Variants in PLEK2 observed in about 807,000 individuals in gnomAD.
PLEK2 encodes pleckstrin 2.
In PLEK2, 29 loss-of-function variants were observed where a neutral mutation model predicts 43.8. That is an observed-to-expected ratio of 0.66 (90% CI 0.49 to 0.90). The LOEUF is 0.90. Ranked by LOEUF, PLEK2 falls within the 40% of genes least tolerant of loss-of-function variation. PLEK2 has a pLI of 0.00. For synonymous variants in PLEK2, 162 were observed against 173.2 expected (o/e 0.94, Z 0.51); for missense variants, 398 against 448.1 (o/e 0.89, Z 1.01).
Position 67,392,801 on chromosome 14 carries a change from C to A in PLEK2, c.530G>T (p.Arg177Leu), listed in dbSNP as rs761790304. The change falls in exon 5 of 9, where the codon CGT becomes CTT. Residue 177 changes from arginine (R) to leucine (L), a missense_variant. Physicochemically the swap from Arg to Leu is moderately radical, Grantham distance 102 (BLOSUM62 -2). Coordinates refer to ENST00000216446, the MANE Select transcript of PLEK2 (RefSeq NM_016445.3). Reference sequence around the variant, plus strand: ...GGAGGCCAGGGTCACCGCCTCCAGACGGCTGGCCGTGAAGCTGTTGGAGAT... The same window carrying A: ...GGAGGCCAGGGTCACCGCCTCCAGAAGGCTGGCCGTGAAGCTGTTGGAGAT... ...WLISNSFTAS[R>L]LEAVTLASML... The A allele has an allele frequency of 1.2e-6, 2 of 1,613,838 alleles. No individual in the cohort carries two copies. Among genetic ancestry groups the A allele is most frequent in the East Asian group, 4.5e-5 (2 of 44,864 alleles).
Position 67,387,075 on chromosome 14 carries a change from G to GT in PLEK2, c.*253dup. On this transcript the variant is annotated 3_prime_UTR_variant, in exon 9 of 9. Coordinates refer to ENST00000216446, the MANE Select transcript of PLEK2 (RefSeq NM_016445.3). ...TACTTTGGTGCCCGAGGAAATGGCT[G>GT]TTTGTGATGCTGGGGAAAAGTCAAG... 1 of 316,390 alleles carries GT rather than the reference G, an allele frequency of 3.2e-6. No homozygotes were observed. Among genetic ancestry groups the GT allele is most frequent in the Non-Finnish European group, 5.7e-6 (1 of 173,942 alleles). 19.6% of individuals were successfully genotyped at this position (316,390 alleles called of 1,614,324 possible).
chr14:67,397,964 C>G (rs1206693550), intron 1 of PLEK2, 138 bp from the exon 2 acceptor site: 6 of 644,880 alleles, frequency 9.3e-6, no homozygotes, highest in Non-Finnish European at 1.5e-5. Flanking sequence ...GGATTTGTGT[C>G]TGGATCTCTT....
intron 6 of PLEK2, among the ~76,000 whole-genome samples, chr14:67,391,854 G>C (rs760485750): frequency 4.6e-5 from 7 of 152,172 alleles, no homozygotes; most frequent in Non-Finnish European, 1.0e-4. Flanking sequence ...TTACAGTGGA[G>C]AATCTGATCT....
rs568439876 is a variant in PLEK2 at position 67,392,350 on chromosome 14, C to T, written c.747G>A (p.Val249=). ...CCTGCTTGGCCAGGTAGCCTTGTTT[C>T]ACCACCGTGCCACTTAACTCCACAG... is the stretch of plus-strand genomic sequence containing the variant. The part of the protein sequence containing the change: ...LSTVELSGTV[V]KQGYLAKQGH... The change falls in exon 6 of 9, where the codon GTG becomes GTA. Residue 249 remains valine (V), a synonymous_variant. Coordinates refer to ENST00000216446, the MANE Select transcript of PLEK2 (RefSeq NM_016445.3). The T allele has an allele frequency of 6.2e-7, 1 of 1,612,410 alleles. No homozygotes were observed. The highest frequency in any genetic ancestry group is 1.7e-5 in the Admixed American group (1 of 60,024).
chr14:67,395,581 G>C lies in PLEK2; in HGVS notation c.210C>G (p.Leu70=). The change falls in exon 3 of 9, where the codon CTC becomes CTG. Residue 70 remains leucine, a splice_region_variant and synonymous_variant. Coordinates refer to ENST00000216446, the MANE Select transcript of PLEK2 (RefSeq NM_016445.3). ...ATGTTTGAGTCTTCAGCTTAATGAG[G>C]AGCTGTGGGAAGAGAGAGCCAGTCA... ...CPCLEYENRP[L]LIKLKTQTST... is the part of the protein sequence containing the mutation. 6.2e-7 allele frequency: 1 copy of C among 1,614,038 alleles called. No individual in the cohort carries two copies. Among genetic ancestry groups the C allele is most frequent in the Non-Finnish European group, 8.5e-7 (1 of 1,179,932 alleles).
chr14:67,394,136 G>A (rs961934819), intron 3 of PLEK2, among the ~76,000 whole-genome samples: 7 of 152,168 alleles, frequency 4.6e-5, no homozygotes, highest in African/African-American at 1.7e-4. Context: ...AGGATTTTCA[G>A]ACATTTCTTT....
chr14:67,408,287 AAAAT>A (rs1388401542), intron 1 of PLEK2, among the ~76,000 whole-genome samples: 14 of 144,932 alleles, frequency 9.7e-5, no homozygotes, highest in African/African-American at 2.3e-4. Context: ...ATTCGGTCTC[AAAAT>A]AAATAAATAA....
chr14:67,412,012 A>T lies in PLEK2; in HGVS notation c.42+6T>A. The T allele has an allele frequency of 6.5e-7, 1 of 1,549,624 alleles. No homozygotes were observed. Among genetic ancestry groups the T allele is most frequent in the Non-Finnish European group, 8.7e-7 (1 of 1,149,886 alleles). ...GGCAATGTCCCGAAGCTCGACGCGCACTCACCCTCTTGACCAGGAAGCCCT... is the reference window on the plus strand; with the variant it reads ...GGCAATGTCCCGAAGCTCGACGCGCTCTCACCCTCTTGACCAGGAAGCCCT... On this transcript the variant is annotated splice_donor_region_variant and intron_variant, in intron 1 of 8. Coordinates refer to ENST00000216446, the MANE Select transcript of PLEK2 (RefSeq NM_016445.3).
At chr14:67,401,895 G>A (rs775666892) in intron 1 of PLEK2, among the ~76,000 whole-genome samples, 48 of 152,162 alleles carry the variant, frequency 3.2e-4, no homozygotes, top group Admixed American at 2.1e-3. Context: ...AGGCCGAGGT[G>A]GGCGGATCAC....
chr14:67,393,642 T>C (rs2085985803), intron 3 of PLEK2, among the ~76,000 whole-genome samples: 1 of 151,970 alleles, frequency 6.6e-6, no homozygotes, highest in Non-Finnish European at 1.5e-5. Context: ...TTAGTAGAGA[T>C]GGGGTTTCAC....
chr14:67,398,087 C>T (rs1371912744), intron 1 of PLEK2: 1 of 329,786 alleles, frequency 3.0e-6, no homozygotes, highest in Non-Finnish European at 5.4e-6. Context: ...AAAATCACTT[C>T]CTGTAATCCT....
At chr14:67,392,934 C>A in intron 4 of PLEK2, 85 bp from the exon 5 acceptor site, 1 of 1,192,922 alleles carries the variant, frequency 8.4e-7, no homozygotes. Context: ...TGACCTTGGC[C>A]CTCTGGGCAG....
chr14:67,406,550 T>C (rs1595660918), intron 1 of PLEK2, among the ~76,000 whole-genome samples: 1 of 152,276 alleles, frequency 6.6e-6, no homozygotes, highest in Non-Finnish European at 1.5e-5. Flanking sequence ...TGGCAAGGGC[T>C]TCAGGTTCTG....
intron 1 of PLEK2, among the ~76,000 whole-genome samples, chr14:67,401,846 C>T (rs777273489): frequency 6.6e-6 from 1 of 151,746 alleles, no homozygotes; most frequent in Admixed American, 6.6e-5. Context: ...AAATACAGGC[C>T]GGCGCGGTGG....
At chr14:67,403,314 G>A (rs2086060426) in intron 1 of PLEK2, among the ~76,000 whole-genome samples, 2 of 152,198 alleles carry the variant, frequency 1.3e-5, no homozygotes, top group African/African-American at 2.4e-5. Flanking sequence ...TTTTGGCAAG[G>A]GCAGTAGCAA....
At chr14:67,392,583 G>C (rs541568477) in intron 5 of PLEK2, 79 bp downstream of exon 5, 46 of 1,362,420 alleles carry the variant, frequency 3.4e-5, no homozygotes, top group Non-Finnish European at 4.4e-5. Context: ...TCCCATGACT[G>C]TGGCCCCCAG....
intron 1 of PLEK2, among the ~76,000 whole-genome samples, chr14:67,399,298 A>C (rs975869181): frequency 5.4e-5 from 8 of 148,952 alleles, no homozygotes; most frequent in Non-Finnish European, 1.0e-4. Context: ...GGCAGGAATA[A>C]AGAGAAGGGT....
Position 67,388,185 on chromosome 14 carries a change from C to T in PLEK2, c.934+39G>A, listed in dbSNP as rs764870661. On this transcript the variant is annotated intron_variant, in intron 8 of 8. Transcript: ENST00000216446. ...CATTACTGAGGTGCAGGAGGGAGGC[C>T]CCTGAGATCTTCAGGCCAGGGCTGA... The T allele has an allele frequency of 6.7e-6, 9 of 1,346,254 alleles. 1 individual carries two copies. Among genetic ancestry groups the T allele is most frequent in the South Asian group, 5.8e-5 (5 of 85,652 alleles). 83.4% of individuals were successfully genotyped at this position (1,346,254 alleles called of 1,614,324 possible).
Position 67,392,357 on chromosome 14 carries a change from G to A in PLEK2, c.740C>T (p.Thr247Met), listed in dbSNP as rs200259677. 87 of 1,612,932 alleles carry A rather than the reference G, an allele frequency of 5.4e-5. 1 individual carries two copies. The highest frequency in any genetic ancestry group is 4.5e-4 in the South Asian group (41 of 91,056). Residue 247 changes from threonine to methionine, a missense_variant, in exon 6 of 9, where the codon ACG (threonine) becomes ATG (methionine). Transcript: ENST00000216446. ...GGCCAGGTAGCCTTGTTTCACCACC[G>A]TGCCACTTAACTCCACAGTGCTCAG... ...ISLSTVELSGTVVKQGYLAKQ... is the reference protein window; with the variant it reads ...ISLSTVELSGMVVKQGYLAKQ...
Sources: allele counts gnomAD v4.1 joint callset (sites outside exome capture counted in the v4.1 genomes callset), GRCh38; gene constraint gnomAD v4.1.1; transcripts MANE v1.5; gene names NCBI Gene and HGNC (gene_info 2026-07-23, HGNC 2026-07-21).